Variants in CACNA1D observed in about 807,000 individuals in gnomAD.
The protein encoded by CACNA1D is voltage-dependent L-type calcium channel subunit alpha-1D.
In CACNA1D, 55 loss-of-function variants were observed where a neutral mutation model predicts 257.1. The ratio of observed to expected loss-of-function variants is 0.21; its 90% CI spans 0.17 to 0.27. The LOEUF is 0.27. Ranked by LOEUF, CACNA1D falls within the 10% of genes least tolerant of loss-of-function variation. The pLI, the probability that CACNA1D is intolerant of heterozygous loss-of-function variation, is 1.00. For synonymous variants in CACNA1D, 980 were observed against 1,014.9 expected, an observed-to-expected ratio of 0.97 and a Z score of 0.65; for missense variants, 1,876 against 2,784.0, an observed-to-expected ratio of 0.67 and a Z score of 7.34.
intron 3 of CACNA1D, among the ~76,000 whole-genome samples, chr3:53,621,559 AG>A (rs1322081912): frequency 6.6e-6 from 1 of 152,230 alleles, no homozygotes; most frequent in African/African-American, 2.4e-5. Flanking sequence ...CAAAGGACTT[AG>A]GTATAAACAA....
chr3:53,656,470 A>G (rs1457674594), intron 4 of CACNA1D, among the ~76,000 whole-genome samples: 3 of 152,116 alleles, frequency 2.0e-5, no homozygotes, highest in Non-Finnish European at 4.4e-5. Flanking sequence ...GTGTAAAACC[A>G]TGAAATTTAT....
At chr3:53,582,848 A>G (rs2093155119) in intron 3 of CACNA1D, among the ~76,000 whole-genome samples, 2 of 152,186 alleles carry the variant, frequency 1.3e-5, no homozygotes, top group African/African-American at 4.8e-5. Context: ...AGTGGATTCC[A>G]GGTGATTTGG....
At chr3:53,748,284 C>G (rs771269349) in intron 26 of CACNA1D, among the ~76,000 whole-genome samples, 1 of 152,220 alleles carries the variant, frequency 6.6e-6, no homozygotes, top group Admixed American at 6.5e-5. Context: ...CCTGGATACC[C>G]GGTCCCCATG....
intron 3 of CACNA1D, among the ~76,000 whole-genome samples, chr3:53,610,009 A>G (rs889469725): frequency 6.6e-6 from 1 of 152,206 alleles, no homozygotes; most frequent in Non-Finnish European, 1.5e-5. Flanking sequence ...TTATTTAGAA[A>G]TGTGTTTGTA....
At chr3:53,651,452 G>A (rs1411941401) in intron 4 of CACNA1D, among the ~76,000 whole-genome samples, 1 of 133,620 alleles carries the variant, frequency 7.5e-6, no homozygotes, top group Admixed American at 8.5e-5. Context: ...ACAAGTGTCT[G>A]GATAATGTCA....
rs781717688 is a variant in CACNA1D, at chr3:53,774,084, C to CGT, written c.4111-502_4111-501dup. Reference sequence around the variant, plus strand: ...GTCTTTTATCTGTCTGCTCATCACACGTTATTTTCATTCCCTCGGTATCTA... The same window carrying CGT: ...GTCTTTTATCTGTCTGCTCATCACACGTGTTATTTTCATTCCCTCGGTATCTA... On this transcript the variant is annotated intron_variant, in intron 33 of 47. Coordinates refer to ENST00000350061, the MANE Select transcript of CACNA1D (RefSeq NM_001128840.3). This position sits in a 1 kb window ranked among gnomAD's most constrained non-coding sequence, Gnocchi z 4.3. 5.9e-6 allele frequency: 1 copy of CGT among 169,550 alleles called. No homozygotes were observed. Among genetic ancestry groups the CGT allele is most frequent in the Non-Finnish European group, 1.3e-5 (1 of 78,228 alleles). The allele number at this position is 169,550 out of a possible 1,614,324, so 10.5% of individuals were successfully genotyped here.
Position 53,568,335 on chromosome 3 carries a change from T to C in CACNA1D, c.483+66615T>C, listed in dbSNP as rs536600012. On this transcript the variant is annotated intron_variant, in intron 3 of 47. Coordinates refer to ENST00000350061, the MANE Select transcript of CACNA1D (RefSeq NM_001128840.3). ...GCATTGATGCTACATTCAGGACCAT[T>C]CTTTCTCATTTCTAGACAGTGATTT... Among the ~76,000 whole-genome samples the C allele has an allele frequency of 2.0e-5, 3 of 152,312 alleles. No homozygotes were observed. The East Asian group carries it at 5.8e-4, about 29-fold the overall frequency.
intron 3 of CACNA1D, among the ~76,000 whole-genome samples, chr3:53,626,199 C>A (rs3774485): frequency 1.3e-5 from 2 of 152,122 alleles, no homozygotes; most frequent in Non-Finnish European, 2.9e-5. Flanking sequence ...TTGAGTTTGC[C>A]GCCCCGGGCA....
intron 8 of CACNA1D, 82 bp from the exon 9 acceptor site, chr3:53,702,559 C>A: frequency 1.5e-6 from 2 of 1,340,932 alleles, no homozygotes; most frequent in Non-Finnish European, 2.1e-6. Context: ...GCCCACAAGA[C>A]TGTTGTGCAG....
At chr3:53,709,524 C>T (rs991574224) in intron 9 of CACNA1D, among the ~76,000 whole-genome samples, 13 of 152,306 alleles carry the variant, frequency 8.5e-5, no homozygotes, top group Non-Finnish European at 1.0e-4. Context: ...ATTTTAGGAA[C>T]GTGAGTATTC....
intron 9 of CACNA1D, chr3:53,710,494 T>A (rs763098997): frequency 1.6e-4 from 75 of 456,710 alleles, no homozygotes; most frequent in South Asian, 5.4e-4. Context: ...TTGCTGAGAC[T>A]GAGCTTTCTT....
At chr3:53,526,451 G>A (rs1334845843) in intron 3 of CACNA1D, among the ~76,000 whole-genome samples, 2 of 152,182 alleles carry the variant, frequency 1.3e-5, no homozygotes, top group Non-Finnish European at 2.9e-5. Context: ...GCTGCACTGT[G>A]GATTTAGACA....
chr3:53,618,122 G>A (rs1024761336), intron 3 of CACNA1D, among the ~76,000 whole-genome samples: 1 of 152,136 alleles, frequency 6.6e-6, no homozygotes, highest in Non-Finnish European at 1.5e-5. Context: ...GTAGGGACCC[G>A]CCAGCTCTTG....
At position 53,666,548 on chromosome 3, in the gene CACNA1D, G is replaced by T; in HGVS notation, c.1116+13G>T. On this transcript the variant is annotated intron_variant, in intron 7 of 47. Transcript: ENST00000350061. Reference sequence around the variant, plus strand: ...TGTGCTCTACTGGGTAAGTACCCTGGGGAGAGAGTTTATGGAGTGTTCTTT... The same window carrying T: ...TGTGCTCTACTGGGTAAGTACCCTGTGGAGAGAGTTTATGGAGTGTTCTTT... The T allele has an allele frequency of 6.2e-7, 1 of 1,603,362 alleles. No homozygotes were observed. The highest frequency in any genetic ancestry group is 8.5e-7 in the Non-Finnish European group (1 of 1,170,328).
At chr3:53,666,728 G>A (rs2094268464) in intron 7 of CACNA1D, among the ~76,000 whole-genome samples, 193 bp downstream of exon 7, 1 of 152,284 alleles carries the variant, frequency 6.6e-6, no homozygotes, top group East Asian at 1.9e-4. Context: ...GTTGCAGGAA[G>A]CTGCTGCGCG....
intron 3 of CACNA1D, among the ~76,000 whole-genome samples, chr3:53,535,384 G>C (rs4535217): frequency 6.6e-6 from 1 of 152,150 alleles, no homozygotes; most frequent in Non-Finnish European, 1.5e-5. Flanking sequence ...AGAGGATCCA[G>C]TATTATTGGA....
At position 53,726,862 on chromosome 3, in the gene CACNA1D, C is replaced by A. The variant is rs749537950; in HGVS notation, c.2101-17C>A. On this transcript the variant is annotated splice_polypyrimidine_tract_variant and intron_variant, in intron 14 of 47. Transcript: ENST00000350061. ...TTGTGAATCCACCTGCTGGCTGATA[C>A]CAGTTTGGCTTCTCAGATCCTGACA... 1.9e-6 allele frequency: 3 copies of A among 1,614,044 alleles called. No individual in the cohort carries two copies. Among genetic ancestry groups the A allele is most frequent in the Admixed American group, 1.7e-5 (1 of 60,018 alleles).
intron 3 of CACNA1D, among the ~76,000 whole-genome samples, chr3:53,549,933 T>G (rs966077840): frequency 6.6e-6 from 1 of 152,082 alleles, no homozygotes; most frequent in African/African-American, 2.4e-5. Context: ...CTTCAAATAC[T>G]CAAAGGATCA....
intron 8 of CACNA1D, among the ~76,000 whole-genome samples, chr3:53,678,648 A>G (rs6806330): frequency 0.25 from 37,410 of 152,048 alleles, 4,925 homozygotes; most frequent in East Asian, 0.43. Flanking sequence ...GCCTAGACAA[A>G]GACTCAGGCA....
Sources: allele counts gnomAD v4.1 joint callset (sites outside exome capture counted in the v4.1 genomes callset), GRCh38; gene constraint gnomAD v4.1.1; non-coding constraint Gnocchi (gnomAD v3.1); transcripts MANE v1.5; gene names NCBI Gene and HGNC (gene_info 2026-07-23, HGNC 2026-07-21).